ATG10: variants seen among roughly 807,000 people sequenced by gnomAD.
The protein encoded by ATG10 is ubiquitin-like-conjugating enzyme ATG10.
ATG10 carries 30 observed loss-of-function variants against 32.1 expected under a neutral mutation model. The observed-to-expected ratio is 0.94, with a 90% CI of 0.70 to 1.27. ATG10 has a LOEUF of 1.27. ATG10 is among the 50% of genes most tolerant of loss of function. The probability of loss-of-function intolerance (pLI) is 0.00; values close to 1 mark genes in which losing one functional copy is unlikely to be tolerated. For synonymous variants in ATG10, 87 were observed against 91.5 expected (o/e 0.95, Z 0.28); for missense variants, 233 against 262.3 (o/e 0.89, Z 0.77).
intron 2 of ATG10, among the ~76,000 whole-genome samples, 179 bp from the exon 3 acceptor site, chr5:82,058,316 C>T (rs895760871): frequency 6.6e-6 from 1 of 152,090 alleles, no homozygotes; most frequent in East Asian, 1.9e-4. Context: ...ATAAAACTTG[C>T]ATTTATTGAG....
chr5:82,194,219 C>T (rs1744769971), intron 5 of ATG10, among the ~76,000 whole-genome samples: 1 of 151,960 alleles, frequency 6.6e-6, no homozygotes, highest in Non-Finnish European at 1.5e-5. Flanking sequence ...TGGAAGAAGC[C>T]AAGTAAAATA....
intron 2 of ATG10, among the ~76,000 whole-genome samples, chr5:81,993,301 CCTTTCTTTCCTTT>C (rs1339951362): frequency 3.4e-5 from 4 of 116,418 alleles, no homozygotes; most frequent in East Asian, 6.4e-4. Flanking sequence ...TTCTTTCTTT[CCTTTCTTTCCTTT>C]CTTTCTTTCT....
intron 3 of ATG10, among the ~76,000 whole-genome samples, chr5:82,061,546 C>T (rs924249775): frequency 8.6e-5 from 13 of 151,754 alleles, no homozygotes; most frequent in Middle Eastern, 3.4e-3. Flanking sequence ...TTTGACTAAA[C>T]CTTCAGGTTT....
At chr5:82,125,673 G>A (rs575780386) in intron 3 of ATG10, among the ~76,000 whole-genome samples, 49 of 152,174 alleles carry the variant, frequency 3.2e-4, no homozygotes, top group African/African-American at 1.1e-3. Context: ...TGTAGTTACC[G>A]TAGCCTTGTA....
At chr5:82,109,453 C>A (rs1765543793) in intron 3 of ATG10, among the ~76,000 whole-genome samples, 1 of 151,978 alleles carries the variant, frequency 6.6e-6, no homozygotes, top group South Asian at 2.1e-4. Flanking sequence ...GGGCTGAAAT[C>A]TGTGAACTCT....
intron 3 of ATG10, among the ~76,000 whole-genome samples, chr5:82,077,573 T>A (rs113182395): frequency 0.014 from 1,922 of 141,980 alleles, 25 homozygotes; most frequent in African/African-American, 0.044. Flanking sequence ...ATTAAAAAAT[T>A]TTTTTTTTTT....
intron 3 of ATG10, among the ~76,000 whole-genome samples, chr5:82,138,903 GC>G (rs1745908096): frequency 9.2e-6 from 1 of 108,128 alleles, no homozygotes; most frequent in South Asian, 3.5e-4. Context: ...CTCATGCGGA[GC>G]CGAAGCTGGA....
intron 3 of ATG10, among the ~76,000 whole-genome samples, chr5:82,152,109 C>T (rs1404921446): frequency 6.6e-6 from 1 of 152,212 alleles, no homozygotes; most frequent in African/African-American, 2.4e-5. Flanking sequence ...AAGAAAATGT[C>T]TGCACCATTA....
At chr5:82,223,117 C>A (rs1745992914) in intron 5 of ATG10, among the ~76,000 whole-genome samples, 1 of 152,174 alleles carries the variant, frequency 6.6e-6, no homozygotes, top group South Asian at 2.1e-4. Flanking sequence ...TTTACAGTCA[C>A]TAATAGCACC....
chr5:82,186,089 C>T (rs370660669), intron 5 of ATG10, among the ~76,000 whole-genome samples: 39 of 152,128 alleles, frequency 2.6e-4, no homozygotes, highest in Admixed American at 4.6e-4. Context: ...TCTTAAATGA[C>T]GAGAAAATTA....
intron 5 of ATG10, among the ~76,000 whole-genome samples, chr5:82,206,609 C>G (rs1402520194): frequency 1.3e-4 from 20 of 150,708 alleles, no homozygotes; most frequent in Admixed American, 1.3e-3. Context: ...GAGATCGCAC[C>G]ACTGCACTCC....
At chr5:82,052,989 A>G (rs1029038820) in intron 2 of ATG10, among the ~76,000 whole-genome samples, 1 of 152,196 alleles carries the variant, frequency 6.6e-6, no homozygotes, top group Non-Finnish European at 1.5e-5. Flanking sequence ...TCCATAAGGT[A>G]AATTATTAGA....
chr5:82,032,482 T>A (rs1762770577), intron 2 of ATG10, among the ~76,000 whole-genome samples: 1 of 152,188 alleles, frequency 6.6e-6, no homozygotes. Flanking sequence ...CATAAACTTT[T>A]ACTGTTCTTT....
At chr5:82,009,970 C>G (rs1178946271) in intron 2 of ATG10, 1 of 1,611,516 alleles carries the variant, frequency 6.2e-7, no homozygotes, top group African/African-American at 1.3e-5. Flanking sequence ...CCTTTCTCTC[C>G]AGTGCTCAGA....
chr5:82,082,799 A>T lies in ATG10; in HGVS notation c.216+24197A>T, dbSNP rs1764529030. On this transcript the variant is annotated intron_variant, in intron 3 of 7. Coordinates refer to ENST00000282185, the MANE Select transcript of ATG10 (RefSeq NM_031482.5). ...ATTTATAATTTTTCCAGATAATTCC[A>T]ATCATGGTTGTCTTAGAAACTATGT... Among the ~76,000 whole-genome samples the T allele has an allele frequency of 2.0e-5, 3 of 152,342 alleles. No individual in the cohort carries two copies. In the South Asian group the frequency reaches 6.2e-4, roughly 32 times the overall value.
At chr5:82,039,917 G>A (rs1451965695) in intron 2 of ATG10, among the ~76,000 whole-genome samples, 3 of 152,282 alleles carry the variant, frequency 2.0e-5, no homozygotes, top group Admixed American at 2.0e-4. Flanking sequence ...TGGCAGCTGG[G>A]CTGGTTTGGA....
Position 81,993,360 on chromosome 5 carries a change from C to CTTCTTTCTTTCTTTTCTTTTCTTTTCTT in ATG10, c.108+5688_108+5689insCTTTCTTTTCTTTTCTTTTCTTTTCTTT, listed in dbSNP as rs1389776064. 6.4e-5 allele frequency among the ~76,000 whole-genome samples: 3 copies of CTTCTTTCTTTCTTTTCTTTTCTTTTCTT among 46,772 alleles called. 1 individual carries two copies. Among genetic ancestry groups the CTTCTTTCTTTCTTTTCTTTTCTTTTCTT allele is most frequent in the African/African-American group, 2.7e-4 (3 of 10,964 alleles). The allele number at this position is 46,772 out of a possible 152,430, so 30.7% of individuals were successfully genotyped here. ...CCTTCTTTCTTTCTTTCTTTCTTTC[C>CTTCTTTCTTTCTTTTCTTTTCTTTTCTT]TTCTTTTCTTTTCTTTTCTTTTCTT... On this transcript the variant is annotated intron_variant, in intron 2 of 7. Transcript: ENST00000282185.
chr5:82,112,578 T>C (rs1393123736), intron 3 of ATG10, among the ~76,000 whole-genome samples: 1 of 151,964 alleles, frequency 6.6e-6, no homozygotes, highest in East Asian at 1.9e-4. Context: ...CCCTGATTCC[T>C]ATGAATTACA....
chr5:82,008,528 C>G (rs1399840863), intron 2 of ATG10, among the ~76,000 whole-genome samples: 2 of 150,422 alleles, frequency 1.3e-5, no homozygotes, highest in African/African-American at 5.0e-5. Flanking sequence ...TAAAGATTAT[C>G]AAAACTATCT....
Sources: gnomAD v4.1 joint callset for allele counts (sites outside exome capture counted in the v4.1 genomes callset) on GRCh38, gnomAD v4.1.1 for gene constraint, MANE v1.5 for transcripts, NCBI Gene and HGNC (gene_info 2026-07-23, HGNC 2026-07-21) for gene names.